Variants in FTO observed in about 807,000 individuals in gnomAD.
The protein encoded by FTO is FTO alpha-ketoglutarate dependent dioxygenase.
FTO carries 47 observed loss-of-function variants against 63.9 expected under a neutral mutation model. The observed-to-expected ratio is 0.74, with a 90% CI of 0.58 to 0.94. The LOEUF (loss-of-function observed/expected upper bound fraction) is 0.94, where lower values mean the gene tolerates loss of function less well. Ranked by LOEUF, FTO falls within the 40% of genes least tolerant of loss-of-function variation. The pLI, the probability that FTO is intolerant of heterozygous loss-of-function variation, is 0.00. For synonymous variants in FTO, 207 were observed against 224.4 expected (o/e 0.92, Z 0.69); for missense variants, 562 against 618.1 (o/e 0.91, Z 0.96).
intron 4 of FTO, among the ~76,000 whole-genome samples, chr16:53,851,794 A>G (rs1054770477): frequency 1.3e-5 from 2 of 152,098 alleles, no homozygotes; most frequent in South Asian, 2.1e-4. Flanking sequence ...TACATGCACA[A>G]GGAAATAAAA....
chr16:53,887,523 G>A (rs778635245), intron 6 of FTO, among the ~76,000 whole-genome samples: 6 of 152,186 alleles, frequency 3.9e-5, no homozygotes, highest in Admixed American at 6.5e-5. Context: ...GTTTACCATA[G>A]TAGATTCATC....
chr16:53,722,751 C>G (rs1275342322), intron 1 of FTO, among the ~76,000 whole-genome samples: 1 of 151,968 alleles, frequency 6.6e-6, no homozygotes, highest in Non-Finnish European at 1.5e-5. Flanking sequence ...TCGCTTGAAC[C>G]CGGGAGGCGG....
intron 1 of FTO, among the ~76,000 whole-genome samples, chr16:53,753,398 AACTTAC>A (rs975936450): frequency 2.0e-5 from 3 of 151,818 alleles, no homozygotes; most frequent in African/African-American, 7.3e-5. Flanking sequence ...CTCCTCTAGG[AACTTAC>A]ACTTTTTTTT....
At chr16:53,808,482 G>A (rs1485848080) in intron 1 of FTO, among the ~76,000 whole-genome samples, 1 of 152,188 alleles carries the variant, frequency 6.6e-6, no homozygotes, top group Non-Finnish European at 1.5e-5. Flanking sequence ...GTCTCTCAGG[G>A]TCAATTGGTT....
intron 1 of FTO, among the ~76,000 whole-genome samples, chr16:53,795,520 G>A (rs2078039378): frequency 1.3e-5 from 2 of 152,060 alleles, no homozygotes; most frequent in Non-Finnish European, 2.9e-5. Context: ...GCCCAGGCTG[G>A]TCTCAAACTC....
At chr16:54,014,622 T>C (rs1227866641) in intron 8 of FTO, among the ~76,000 whole-genome samples, 2 of 152,150 alleles carry the variant, frequency 1.3e-5, no homozygotes, top group African/African-American at 4.8e-5. Flanking sequence ...ACCCCCCAAA[T>C]GTGAGCTGCA....
intron 1 of FTO, among the ~76,000 whole-genome samples, chr16:53,755,146 C>T (rs1342125297): frequency 2.0e-5 from 3 of 152,220 alleles, no homozygotes; most frequent in Non-Finnish European, 4.4e-5. Context: ...TAATGAAAGG[C>T]TGCCCCAACT....
At chr16:53,878,470 T>C (rs906532449) in intron 5 of FTO, among the ~76,000 whole-genome samples, 2 of 152,190 alleles carry the variant, frequency 1.3e-5, no homozygotes, top group African/African-American at 4.8e-5. Flanking sequence ...AGCTTCTGTT[T>C]CTTGGCACAG....
intron 1 of FTO, among the ~76,000 whole-genome samples, chr16:53,800,322 GTTA>G (rs1567997445): frequency 6.6e-6 from 1 of 152,072 alleles, no homozygotes; most frequent in African/African-American, 2.4e-5. Context: ...ATGTATATCT[GTTA>G]TTATTTTAAG....
At chr16:53,706,277 A>G (rs906966419) in intron 1 of FTO, among the ~76,000 whole-genome samples, 1 of 152,160 alleles carries the variant, frequency 6.6e-6, no homozygotes, top group Non-Finnish European at 1.5e-5. Context: ...TTTCTAATCA[A>G]TTTTATTGAG....
intron 8 of FTO, among the ~76,000 whole-genome samples, chr16:54,037,874 T>C (rs559043867): frequency 6.6e-6 from 1 of 152,226 alleles, no homozygotes; most frequent in Non-Finnish European, 1.5e-5. Flanking sequence ...GTTAGAATAG[T>C]AGTATTACGT....
intron 1 of FTO, among the ~76,000 whole-genome samples, chr16:53,771,252 TC>T (rs2077329519): frequency 6.6e-6 from 1 of 152,204 alleles, no homozygotes; most frequent in South Asian, 2.1e-4. Flanking sequence ...GTACAGGACA[TC>T]TTCATCCTTC....
intron 8 of FTO, among the ~76,000 whole-genome samples, chr16:54,051,701 A>T (rs1164729376): frequency 1.3e-5 from 2 of 152,256 alleles, no homozygotes; most frequent in Non-Finnish European, 2.9e-5. Context: ...TCCTCATATT[A>T]AAATCACCCT....
chr16:53,887,627 G>A (rs1236222798), intron 6 of FTO, among the ~76,000 whole-genome samples: 5 of 152,208 alleles, frequency 3.3e-5, no homozygotes, highest in Admixed American at 1.3e-4. Flanking sequence ...TAAACATGAT[G>A]CTCAAAGGAA....
rs1567580125 is a variant in FTO, at chr16:54,112,820, A to G, written c.*905A>G. The G allele has an allele frequency of 6.6e-6, 1 of 152,192 alleles. No homozygotes were observed. Among genetic ancestry groups the G allele is most frequent in the East Asian group, 1.9e-4 (1 of 5,192 alleles). 9.4% of individuals were successfully genotyped at this position (152,192 alleles called of 1,614,324 possible). The stretch of plus-strand genomic sequence containing the variant: ...ATTATTTCGTGGATTTCACCAGCAT[A>G]GTATAGTTTTTTTCTGTAAGTCCCT... On this transcript the variant is annotated 3_prime_UTR_variant, in exon 9 of 9. Transcript: ENST00000471389.
chr16:53,932,373 A>G (rs138181602), intron 7 of FTO, among the ~76,000 whole-genome samples: 1,977 of 151,672 alleles, frequency 0.013, 49 homozygotes, highest in Admixed American at 0.053. Flanking sequence ...TGATAGCAAC[A>G]GAAACAGATT....
At chr16:53,968,566 C>T (rs1218002815) in intron 8 of FTO, among the ~76,000 whole-genome samples, 1 of 152,188 alleles carries the variant, frequency 6.6e-6, no homozygotes, top group East Asian at 1.9e-4. Flanking sequence ...AGCCTTTTCC[C>T]CAGCAGGACA....
Position 53,975,855 on chromosome 16 carries a change from A to G in FTO, c.1364+41746A>G, listed in dbSNP as rs191449927. On this transcript the variant is annotated intron_variant, in intron 8 of 8. Coordinates refer to ENST00000471389, the MANE Select transcript of FTO (RefSeq NM_001080432.3). ...CATGCCAAACATGTGCTGGATGTAT[A>G]TGAATTCATATACTGATTATAGCAA... Among the ~76,000 whole-genome samples, 364 of 152,280 alleles carry G rather than the reference A, an allele frequency of 2.4e-3. 3 individuals carry two copies. The highest frequency in any genetic ancestry group is 8.0e-3 in the African/African-American group (334 of 41,576).
chr16:54,103,609 C>CAA (rs1301817135), intron 8 of FTO, among the ~76,000 whole-genome samples: 1 of 152,198 alleles, frequency 6.6e-6, no homozygotes, highest in Non-Finnish European at 1.5e-5. Flanking sequence ...AGTGGTTCTA[C>CAA]AATAGGTAAA....
Sources: gnomAD v4.1 joint callset for allele counts (sites outside exome capture counted in the v4.1 genomes callset) on GRCh38, gnomAD v4.1.1 for gene constraint, MANE v1.5 for transcripts, NCBI Gene and HGNC (gene_info 2026-07-23, HGNC 2026-07-21) for gene names.